The following PRR14L variants were observed in gnomAD, a reference collection of about 807,000 sequenced individuals.
The protein encoded by PRR14L is proline rich 14 like.
PRR14L carries 80 observed loss-of-function variants against 155.0 expected under a neutral mutation model. The observed-to-expected ratio is 0.52, with a 90% CI of 0.43 to 0.62. PRR14L has a LOEUF of 0.62. Ranked by LOEUF, PRR14L falls within the 20% of genes least tolerant of loss-of-function variation. The probability of loss-of-function intolerance (pLI) is 0.00; values close to 1 mark genes in which losing one functional copy is unlikely to be tolerated. For missense variants in PRR14L, 2,469 were observed against 2,548.0 expected (o/e 0.97, Z 0.67); for synonymous variants, 883 against 916.0 (o/e 0.96, Z 0.65).
At chr22:31,736,052 C>CAAA (rs36027153) in intron 2 of PRR14L, among the ~76,000 whole-genome samples, 2 of 86,990 alleles carry the variant, frequency 2.3e-5, no homozygotes, top group African/African-American at 9.6e-5. Flanking sequence ...GACTCCATCT[C>CAAA]AAAAAAAAAA....
At position 31,738,555 on chromosome 22, in the gene PRR14L, A is replaced by G. The variant is rs1166290628; in HGVS notation, c.306T>C (p.Ser102=). The G allele has an allele frequency of 1.9e-6, 3 of 1,552,034 alleles. 1 individual carries two copies. The South Asian group carries it at 3.6e-5, about 18-fold the overall frequency. The change falls in exon 2 of 9, where the codon TCT becomes TCC. Residue 102 remains serine, a synonymous_variant. Transcript: ENST00000327423. ...CGLVDSTAGG[S]VASGILDRAK... ...CCCTATCCAAGATCCCAGATGCCAC[A>G]GAACCTCCTGCTGTGGAGTCCACTA...
At chr22:31,711,942 CAG>C in intron 4 of PRR14L, 139 bp downstream of exon 4, 1 of 769,254 alleles carries the variant, frequency 1.3e-6, no homozygotes. Context: ...TTTTTCTCAG[CAG>C]AGATTTCGCA....
chr22:31,747,863 T>C (rs2147880799), intron 1 of PRR14L, among the ~76,000 whole-genome samples: 1 of 150,678 alleles, frequency 6.6e-6, no homozygotes, highest in Admixed American at 6.6e-5. Context: ...AGGATTAACA[T>C]TGTTGCTCTC....
rs1296787930 is a variant in PRR14L at position 31,714,374 on chromosome 22, C to G, written c.3465G>C (p.Glu1155Asp). 3 of 1,551,574 alleles carry G rather than the reference C, an allele frequency of 1.9e-6. No homozygotes were observed. Among genetic ancestry groups the G allele is most frequent in the Admixed American group, 3.9e-5 (2 of 50,966 alleles). ...MEKCPDSCAH[E>D]MESVADHEPN... Reference sequence around the variant, plus strand: ...GTTCATGATCTGCAACAGACTCCATCTCATGGGCACAAGAGTCTGGACACT... The same window carrying G: ...GTTCATGATCTGCAACAGACTCCATGTCATGGGCACAAGAGTCTGGACACT... The change falls in exon 4 of 9, where the codon GAG becomes GAC. Residue 1155 changes from glutamate to aspartate, a missense_variant. Glu to Asp is a conservative substitution (Grantham distance 45). Transcript: ENST00000327423.
In PRR14L at chr22:31,715,135, C is replaced by T. The variant is rs1569498837; in HGVS notation, c.2704G>A (p.Gly902Arg). ...TSSSIKLSEE[G>R]LEGKEQDVSK... ...ACATCCTGCTCCTTTCCTTCCAGCC[C>T]TTCCTCACTGAGTTTGATGCTACTG... The change falls in exon 4 of 9, where the codon GGG becomes AGG. Residue 902 changes from glycine (G) to arginine (R), a missense_variant. Gly to Arg is a moderately radical substitution (Grantham distance 125). Around this residue, in one of 2 missense-constraint regions of PRR14L, gnomAD observed 2,363 missense variants for 2,371.6 expected, o/e 1.00. Transcript: ENST00000327423. The T allele has an allele frequency of 6.4e-6, 10 of 1,551,952 alleles. No individual in the cohort carries two copies. The highest frequency in any genetic ancestry group is 8.7e-6 in the Non-Finnish European group (10 of 1,147,026).
chr22:31,749,960 T>C (rs1490898199), intron 1 of PRR14L, 33 bp downstream of exon 1: 1 of 152,676 alleles, frequency 6.5e-6, no homozygotes, highest in East Asian at 1.9e-4. Flanking sequence ...GCGGGGCGGC[T>C]ACGCCCGAAG....
chr22:31,744,737 T>G (rs544026695), intron 1 of PRR14L, among the ~76,000 whole-genome samples: 1 of 152,340 alleles, frequency 6.6e-6, no homozygotes, highest in South Asian at 2.1e-4. Context: ...GTAAATCATA[T>G]TCATTTCCAT....
Position 31,749,647 on chromosome 22 carries a change from CA to C in PRR14L, c.-52+345del, listed in dbSNP as rs147189142. On this transcript the variant is annotated intron_variant, in intron 1 of 8. Coordinates refer to ENST00000327423, the MANE Select transcript of PRR14L (RefSeq NM_173566.3). ...TGGGAGTGGGTCTCCCTCTGCTGAC[CA>C]ACGGATGAGCGCTAAGAAAGAGCGT... Among the ~76,000 whole-genome samples, 521 of 152,292 alleles carry C rather than the reference CA, an allele frequency of 3.4e-3. 4 individuals carry two copies. Among genetic ancestry groups the C allele is most frequent in the African/African-American group, 0.012 (499 of 41,572 alleles).
At chr22:31,699,292 C>T in intron 7 of PRR14L, among the ~76,000 whole-genome samples, 1 of 152,232 alleles carries the variant, frequency 6.6e-6, no homozygotes, top group East Asian at 1.9e-4. Flanking sequence ...CCCACCTCAG[C>T]CTCCCAAAGT....
chr22:31,701,912 ATCC>A, intron 6 of PRR14L, 150 bp from the exon 7 acceptor site: 1 of 611,422 alleles, frequency 1.6e-6, no homozygotes. Flanking sequence ...GACTCAAATG[ATCC>A]TCCTGCCTTG....
intron 1 of PRR14L, among the ~76,000 whole-genome samples, chr22:31,748,338 C>T (rs955074971): frequency 6.6e-6 from 1 of 152,152 alleles, no homozygotes; most frequent in Non-Finnish European, 1.5e-5. Context: ...ACAGGGCAAG[C>T]GCTTCAACAT....
chr22:31,737,473 T>C (rs928295426), intron 2 of PRR14L, among the ~76,000 whole-genome samples: 1 of 147,996 alleles, frequency 6.8e-6, no homozygotes, highest in African/African-American at 2.5e-5. Context: ...AGAGCAAGAC[T>C]CTGTCTCAAA....
intron 2 of PRR14L, among the ~76,000 whole-genome samples, chr22:31,726,677 A>T (rs1445135422): frequency 6.6e-6 from 1 of 152,216 alleles, no homozygotes; most frequent in East Asian, 1.9e-4. Flanking sequence ...GATGCTATTT[A>T]AAATATTCTT....
intron 7 of PRR14L, among the ~76,000 whole-genome samples, chr22:31,697,554 C>A (rs1375965877): frequency 1.3e-5 from 2 of 152,024 alleles, no homozygotes; most frequent in Admixed American, 6.6e-5. Context: ...TATGTCATCA[C>A]TTAGAAAAGT....
At chr22:31,699,376 G>T (rs1201483335) in intron 7 of PRR14L, among the ~76,000 whole-genome samples, 1 of 152,170 alleles carries the variant, frequency 6.6e-6, no homozygotes, top group Non-Finnish European at 1.5e-5. Context: ...GCACTATTGG[G>T]TTATTAAGAA....
chr22:31,693,813 C>A (rs186602442), intron 7 of PRR14L, among the ~76,000 whole-genome samples: 1 of 152,162 alleles, frequency 6.6e-6, no homozygotes, highest in African/African-American at 2.4e-5. Flanking sequence ...AACACTATTT[C>A]GCTCTATTTA....
chr22:31,704,434 T>A, intron 5 of PRR14L: 1 of 388,242 alleles, frequency 2.6e-6, no homozygotes, highest in Admixed American at 4.3e-5. Flanking sequence ...ATTTTCACTT[T>A]TTTTTTTTTA....
chr22:31,685,559 C>A lies in PRR14L; in HGVS notation c.6424G>T (p.Glu2142Ter). The change falls in exon 9 of 9, where the codon GAA becomes TAA. Residue 2142 changes from glutamate to a stop codon, truncating the protein, a stop_gained. Coordinates refer to ENST00000327423, the MANE Select transcript of PRR14L (RefSeq NM_173566.3). LOFTEE classifies it high-confidence loss of function. ...LMELETFFAK[E>*]EEQEQSSGC is the part of the protein sequence containing the mutation. ...CCTGATGATTGTTCCTGCTCCTCTT[C>A]CTTGGCAAAGAAGGTCTCCAGTTCC... The A allele has an allele frequency of 6.4e-7, 1 of 1,552,006 alleles. No homozygotes were observed.
intron 1 of PRR14L, among the ~76,000 whole-genome samples, chr22:31,744,882 A>G (rs2147879119): frequency 6.6e-6 from 1 of 152,284 alleles, no homozygotes; most frequent in East Asian, 1.9e-4. Context: ...ACCTCTTGAT[A>G]CTCTTGTTTG....
Sources: gnomAD v4.1 joint callset for allele counts (sites outside exome capture counted in the v4.1 genomes callset) on GRCh38, gnomAD v4.1.1 for gene constraint, gnomAD v4.1.1 regional missense constraint, MANE v1.5 for transcripts, NCBI Gene and HGNC (gene_info 2026-07-23, HGNC 2026-07-21) for gene names.